The following CFAP70 variants were observed in gnomAD, a reference collection of about 807,000 sequenced individuals.
CFAP70 encodes cilia- and flagella-associated protein 70.
Under a neutral mutation model 137.6 loss-of-function variants are expected in CFAP70, and 81 were observed. The ratio of observed to expected loss-of-function variants is 0.59; its 90% CI spans 0.49 to 0.71. CFAP70 has a LOEUF of 0.71. Among genes scored for constraint, CFAP70 ranks in the 30% least tolerant of loss-of-function variants. The probability of loss-of-function intolerance (pLI) is 0.00; values close to 1 mark genes in which losing one functional copy is unlikely to be tolerated. For synonymous variants in CFAP70, 382 were observed against 423.6 expected (o/e 0.90, Z 1.20); for missense variants, 976 against 1,226.7 (o/e 0.80, Z 3.05).
rs1367542098 is a variant in CFAP70, at chr10:73,262,007, TG to T, written c.3028-5592del. On this transcript the variant is annotated intron_variant, in intron 25 of 26. Coordinates refer to ENST00000310715, the Ensembl canonical transcript of CFAP70. ...ATACATATGTATATATGTATACATA[TG>T]TATATATGTATATATTATATATGTA... Among the ~76,000 whole-genome samples the T allele has an allele frequency of 1.4e-3, 195 of 139,210 alleles. 1 individual carries two copies. The highest frequency in any genetic ancestry group is 4.7e-3 in the African/African-American group (181 of 38,304). 91.3% of individuals were successfully genotyped at this position (139,210 alleles called of 152,430 possible). A position where few individuals can be genotyped will look rare whatever the true frequency, so the allele number is the denominator to read the frequency against.
At chr10:73,277,130 T>A in intron 21 of CFAP70, 110 bp downstream of exon 22, 1 of 1,353,930 alleles carries the variant, frequency 7.4e-7, no homozygotes, top group Non-Finnish European at 1.0e-6. Context: ...CTCAAAAGCA[T>A]ATTTGATTTC....
intron 11 of CFAP70, among the ~76,000 whole-genome samples, chr10:73,311,285 C>T (rs1415418817): frequency 1.3e-5 from 2 of 152,174 alleles, no homozygotes; most frequent in Non-Finnish European, 2.9e-5. Context: ...TCAAGCTGTT[C>T]CCTGGCTCTG....
intron 6 of CFAP70, among the ~76,000 whole-genome samples, chr10:73,339,172 C>T (rs887601133): frequency 1.3e-5 from 2 of 152,116 alleles, no homozygotes; most frequent in African/African-American, 4.8e-5. Context: ...CCTGTCTCGG[C>T]CTCCCAAAGT....
chr10:73,330,629 TCTG>T, intron 8 of CFAP70, among the ~76,000 whole-genome samples: 1 of 152,178 alleles, frequency 6.6e-6, no homozygotes, highest in African/African-American at 2.4e-5. Flanking sequence ...TATTAAATGG[TCTG>T]CTATTTGCCG....
At chr10:73,326,348 G>A (rs1167102201) in intron 8 of CFAP70, among the ~76,000 whole-genome samples, 3 of 146,780 alleles carry the variant, frequency 2.0e-5, no homozygotes, top group African/African-American at 7.7e-5. Flanking sequence ...TGTGTAGAGG[G>A]AAATTTATAG....
chr10:73,257,902 G>C (rs1474683527), intron 25 of CFAP70, among the ~76,000 whole-genome samples: 3 of 137,176 alleles, frequency 2.2e-5, no homozygotes, highest in Non-Finnish European at 4.6e-5. Context: ...TTTTGAGACG[G>C]AGTCTTGCTC....
intron 15 of CFAP70, 48 bp from the exon 17 acceptor site, chr10:73,293,436 G>A: frequency 6.6e-7 from 1 of 1,505,088 alleles, no homozygotes. Flanking sequence ...ACAATTACAA[G>A]TAGAGAGGTT....
chr10:73,329,917 G>A (rs1036686148), intron 8 of CFAP70, among the ~76,000 whole-genome samples: 19 of 152,040 alleles, frequency 1.2e-4, no homozygotes, highest in African/African-American at 4.6e-4. Context: ...GAAGGCGGAC[G>A]AATGACAGTC....
chr10:73,331,905 T>A (rs1276654368), intron 7 of CFAP70, among the ~76,000 whole-genome samples: 1 of 152,198 alleles, frequency 6.6e-6, no homozygotes, highest in Non-Finnish European at 1.5e-5. Flanking sequence ...TTACAAATGG[T>A]ATAAAATTGG....
In CFAP70 at chr10:73,322,565, C is replaced by CT. The variant is rs1038692190; in HGVS notation, c.912+397dup. Among the ~76,000 whole-genome samples, 21 of 115,302 alleles carry CT rather than the reference C, an allele frequency of 1.8e-4. No individual in the cohort carries two copies. In the South Asian group the frequency reaches 7.1e-3, roughly 39 times the overall value. The allele number at this position is 115,302 out of a possible 152,430, so 75.6% of individuals were successfully genotyped here. ...GCACTCCAAAGTGAGACCCACATCT[C>CT]TAAAAAAAAAAAAAAAAAAAAAGTA... On this transcript the variant is annotated intron_variant, in intron 9 of 26. Transcript: ENST00000310715.
upstream of CFAP70, among the ~76,000 whole-genome samples, chr10:73,362,257 T>A (rs948876938): frequency 5.9e-5 from 9 of 152,016 alleles, no homozygotes; most frequent in Non-Finnish European, 1.2e-4. Context: ...AAAAAATAAC[T>A]CAAAATGGAC....
At chr10:73,299,441 T>C (rs2048776646) in intron 13 of CFAP70, among the ~76,000 whole-genome samples, 164 bp downstream of exon 14, 1 of 152,188 alleles carries the variant, frequency 6.6e-6, no homozygotes, top group African/African-American at 2.4e-5. Flanking sequence ...AAACACTGTA[T>C]GCTATATGCC....
chr10:73,274,673 A>G, intron 22 of CFAP70, 79 bp from the exon 24 acceptor site: 1 of 1,277,308 alleles, frequency 7.8e-7, no homozygotes, highest in African/African-American at 1.5e-5. Context: ...TTAACATTTA[A>G]ATTTAGATAG....
intron 6 of CFAP70, among the ~76,000 whole-genome samples, chr10:73,341,169 A>G (rs2053218030): frequency 6.6e-6 from 1 of 152,232 alleles, no homozygotes; most frequent in Non-Finnish European, 1.5e-5. Context: ...ACCTATTCAT[A>G]AATCAGTAAA....
intron 15 of CFAP70, 66 bp downstream of exon 16, chr10:73,296,976 A>G (rs753573761): frequency 1.3e-6 from 2 of 1,537,084 alleles, no homozygotes; most frequent in South Asian, 2.4e-5. Flanking sequence ...CAAAGGAAGG[A>G]ATTATTCATA....
chr10:73,356,421 C>T (rs186535643), intron 1 of CFAP70, among the ~76,000 whole-genome samples: 397 of 152,188 alleles, frequency 2.6e-3, no homozygotes, highest in African/African-American at 8.5e-3. Flanking sequence ...CTGGTCTCGA[C>T]GGCTAGGCTC....
intron 9 of CFAP70, among the ~76,000 whole-genome samples, chr10:73,316,718 ATCC>A (rs1348121983): frequency 4.6e-5 from 7 of 151,710 alleles, no homozygotes; most frequent in African/African-American, 1.7e-4. Context: ...GCTCCATTCT[ATCC>A]TCCTTCCTTT....
chr10:73,339,130 G>T (rs1403968192), intron 6 of CFAP70, among the ~76,000 whole-genome samples: 1 of 151,708 alleles, frequency 6.6e-6, no homozygotes, highest in Non-Finnish European at 1.5e-5. Flanking sequence ...TGTTGGCCAG[G>T]CTAATCTCGA....
At chr10:73,352,175 T>C (rs1324123682) in intron 3 of CFAP70, among the ~76,000 whole-genome samples, 2 of 152,224 alleles carry the variant, frequency 1.3e-5, no homozygotes, top group Non-Finnish European at 2.9e-5. Flanking sequence ...CCAAGATCCA[T>C]GTGGTCTCCA....
Sources: allele counts gnomAD v4.1 joint callset (sites outside exome capture counted in the v4.1 genomes callset), GRCh38; gene constraint gnomAD v4.1.1; transcripts MANE v1.5; gene names NCBI Gene and HGNC (gene_info 2026-07-23, HGNC 2026-07-21).